Variants in WDFY4 observed in about 807,000 individuals in gnomAD.
WDFY4 encodes the protein WD repeat- and FYVE domain-containing protein 4.
Under a neutral mutation model 351.9 loss-of-function variants are expected in WDFY4, and 169 were observed. That is an observed-to-expected ratio of 0.48 (90% CI 0.42 to 0.55). The LOEUF is 0.55. Ranked by LOEUF, WDFY4 falls within the 20% of genes least tolerant of loss-of-function variation. The pLI is 0.00. For missense variants in WDFY4, 3,803 were observed against 3,935.6 expected (o/e 0.97, Z 0.90); for synonymous variants, 1,622 against 1,574.6 (o/e 1.03, Z -0.71).
Position 48,725,864 on chromosome 10 carries a change from A to G in WDFY4, c.592-17A>G, listed in dbSNP as rs1565133152. The G allele has an allele frequency of 6.5e-7, 1 of 1,531,880 alleles. No homozygotes were observed. The highest frequency in any genetic ancestry group is 1.4e-5 in the African/African-American group (1 of 72,738). The allele number at this position is 1,531,880 out of a possible 1,614,324, so 94.9% of individuals were successfully genotyped here. A position where few individuals can be genotyped will look rare whatever the true frequency, so the allele number is the denominator to read the frequency against. ...CCTAACCAGGTCTCCTTGACTGTTTATCTTCTTATTTTTCAGATGTTGCTC... is the reference window on the plus strand; with the variant it reads ...CCTAACCAGGTCTCCTTGACTGTTTGTCTTCTTATTTTTCAGATGTTGCTC... On this transcript the variant is annotated splice_polypyrimidine_tract_variant and intron_variant, in intron 5 of 61. Transcript: ENST00000325239.
chr10:48,814,110 C>G, intron 31 of WDFY4, 28 bp downstream of exon 31: 7 of 1,503,828 alleles, frequency 4.7e-6, no homozygotes, highest in Non-Finnish European at 6.2e-6. Flanking sequence ...CATGCTGCCC[C>G]GAGGAGGTTC....
At chr10:48,902,433 G>A (rs765606868) in intron 47 of WDFY4, among the ~76,000 whole-genome samples, 2 of 152,172 alleles carry the variant, frequency 1.3e-5, no homozygotes, top group Non-Finnish European at 2.9e-5. Flanking sequence ...CAGTCGGGGT[G>A]AGAATAGAAG....
At position 48,806,083 on chromosome 10, in the gene WDFY4, C is replaced by G. The variant is rs2067244753; in HGVS notation, c.4726C>G (p.Pro1576Ala). 2 of 1,551,638 alleles carry G rather than the reference C, an allele frequency of 1.3e-6. No individual in the cohort carries two copies. The highest frequency in any genetic ancestry group is 2.4e-5 in the South Asian group (2 of 84,052). The change falls in exon 27 of 62, where the codon CCT becomes GCT. Residue 1576 changes from proline to alanine, a missense_variant. Coordinates refer to ENST00000325239, the MANE Select transcript of WDFY4 (RefSeq NM_001394531.1). ...RQICMDGALD[P>A]SLPAGSQTSG... ...GATCTGCATGGACGGAGCCCTGGAC[C>G]CTTCCCTGCCTGGTGAGAAGACCTT... is the stretch of plus-strand genomic sequence containing the variant.
chr10:48,772,013 T>C (rs1047751291), intron 13 of WDFY4, among the ~76,000 whole-genome samples: 2 of 152,170 alleles, frequency 1.3e-5, no homozygotes, highest in Non-Finnish European at 2.9e-5. Flanking sequence ...CTAGAACTCA[T>C]TTACATGGCC....
At chr10:48,789,433 G>A (rs1026904743) in intron 21 of WDFY4, among the ~76,000 whole-genome samples, 3 of 152,186 alleles carry the variant, frequency 2.0e-5, no homozygotes, top group Non-Finnish European at 4.4e-5. Flanking sequence ...GCAACACACC[G>A]CTTTCTGATG....
chr10:48,922,857 A>G (rs1213932910), intron 47 of WDFY4, among the ~76,000 whole-genome samples: 1 of 152,180 alleles, frequency 6.6e-6, no homozygotes, highest in East Asian at 1.9e-4. Flanking sequence ...GGTGCAGAAC[A>G]AATCTATGGT....
At chr10:48,704,127 T>C (rs985847958) in intron 1 of WDFY4, among the ~76,000 whole-genome samples, 2 of 151,926 alleles carry the variant, frequency 1.3e-5, no homozygotes, top group African/African-American at 2.4e-5. Context: ...CTCACTATGC[T>C]GGACCTCTTC....
intron 12 of WDFY4, among the ~76,000 whole-genome samples, chr10:48,759,646 C>T (rs1034858745): frequency 1.1e-4 from 16 of 152,170 alleles, no homozygotes; most frequent in African/African-American, 3.6e-4. Context: ...CCTCCATGCT[C>T]TGTGACCTGT....
Position 48,788,635 on chromosome 10 carries a change from A to T in WDFY4, c.3914A>T (p.Asn1305Ile), listed in dbSNP as rs369772164. ...SSITSVADIR[N>I]AYNEVDSRLI... ...ATCACCAGTGTAGCGGACATCAGAA[A>T]TGCTTACAATGAGGTGGACAGCCGC... The change falls in exon 21 of 62, where the codon AAT becomes ATT. Residue 1305 changes from asparagine to isoleucine, a missense_variant. Asn to Ile is a moderately radical substitution (Grantham distance 149). Coordinates refer to ENST00000325239, the MANE Select transcript of WDFY4 (RefSeq NM_001394531.1). 6.4e-7 allele frequency: 1 copy of T among 1,551,666 alleles called. No individual in the cohort carries two copies. The highest frequency in any genetic ancestry group is 2.0e-5 in the Admixed American group (1 of 50,988).
chr10:48,805,343 T>A lies in WDFY4; in HGVS notation c.4568T>A (p.Ile1523Asn), dbSNP rs1176731448. Reference protein sequence around the residue: ...LIFLFNEPSLIPSKISTIIGI... With the variant: ...LIFLFNEPSLNPSKISTIIGI... ...TTCCTATTCAATGAGCCGAGCCTCA[T>A]CCCCTCCAAGATCTCCACCATCATT... Residue 1523 changes from isoleucine (I) to asparagine (N), a missense_variant, in exon 26 of 62, where the codon ATC becomes AAC. Physicochemically the swap from Ile to Asn is moderately radical, Grantham distance 149. Transcript: ENST00000325239. 2 of 1,548,768 alleles carry A rather than the reference T, an allele frequency of 1.3e-6. No homozygotes were observed. The highest frequency in any genetic ancestry group is 8.7e-7 in the Non-Finnish European group (1 of 1,146,734).
chr10:48,904,243 G>A (rs762118190), intron 47 of WDFY4, among the ~76,000 whole-genome samples: 9 of 152,290 alleles, frequency 5.9e-5, no homozygotes, highest in African/African-American at 1.9e-4. Context: ...GCAGTGGGTC[G>A]CTGGAGTTGG....
At chr10:48,921,357 A>G (rs1193566644) in intron 47 of WDFY4, among the ~76,000 whole-genome samples, 1 of 152,208 alleles carries the variant, frequency 6.6e-6, no homozygotes, top group African/African-American at 2.4e-5. Context: ...AGGTCAAAGG[A>G]TGTTCAATGG....
At chr10:48,840,010 A>T (rs114107524) in intron 39 of WDFY4, among the ~76,000 whole-genome samples, 1,615 of 152,246 alleles carry the variant, frequency 0.011, 27 homozygotes, top group African/African-American at 0.037. Context: ...CTGGCCTGAG[A>T]GCTCTTCATC....
intron 29 of WDFY4, 64 bp downstream of exon 29, chr10:48,810,799 A>G: frequency 1.4e-6 from 2 of 1,422,758 alleles, no homozygotes; most frequent in East Asian, 2.5e-5. Context: ...AATGAGGACC[A>G]AGCCAGGCCC....
chr10:48,724,976 T>C (rs1250977282), intron 5 of WDFY4, among the ~76,000 whole-genome samples: 3 of 152,198 alleles, frequency 2.0e-5, no homozygotes. Context: ...GAGTCTATTC[T>C]GAGGGCATGG....
At chr10:48,720,482 GACACAT>G (rs889216161) in intron 3 of WDFY4, among the ~76,000 whole-genome samples, 2 of 151,052 alleles carry the variant, frequency 1.3e-5, no homozygotes, top group African/African-American at 4.9e-5. Flanking sequence ...GAGATACAGA[GACACAT>G]ACACATACAC....
At chr10:48,702,824 G>T (rs996231158) in intron 1 of WDFY4, among the ~76,000 whole-genome samples, 5 of 152,324 alleles carry the variant, frequency 3.3e-5, no homozygotes, top group African/African-American at 1.2e-4. Context: ...CAAAGTGGCA[G>T]TGCCACGTTT....
intron 31 of WDFY4, among the ~76,000 whole-genome samples, chr10:48,816,328 A>G (rs990781594): frequency 6.6e-6 from 1 of 152,058 alleles, no homozygotes; most frequent in African/African-American, 2.4e-5. Context: ...ATTTCTGTCA[A>G]TTTCTAAGAT....
rs79711834 is a variant in WDFY4 at position 48,889,736 on chromosome 10, C to T, written c.7168-843C>T. Among the ~76,000 whole-genome samples, 101 of 152,196 alleles carry T rather than the reference C, an allele frequency of 6.6e-4. No individual in the cohort carries two copies. In the East Asian group the frequency reaches 0.01, roughly 15 times the overall value. The stretch of plus-strand genomic sequence containing the variant: ...ATATTGTCATGGGTCAGGTTCTGCA[C>T]GGAGAAAGTTGATTGGGAATGAGGA... On this transcript the variant is annotated intron_variant, in intron 43 of 61. Coordinates refer to ENST00000325239, the MANE Select transcript of WDFY4 (RefSeq NM_001394531.1).
Sources: allele counts gnomAD v4.1 joint callset (sites outside exome capture counted in the v4.1 genomes callset), GRCh38; gene constraint gnomAD v4.1.1; transcripts MANE v1.5; gene names NCBI Gene and HGNC (gene_info 2026-07-23, HGNC 2026-07-21).